The following PVT1 variants were observed in gnomAD, a reference collection of about 807,000 sequenced individuals.
The protein encoded by PVT1 is Pvt1 oncogene, also known as CXCR4/PVT1 fusion.
At chr8:127,954,717 C>T (rs1816548828) in intron 3 of PVT1, among the ~76,000 whole-genome samples, 1 of 152,136 alleles carries the variant, frequency 6.6e-6, no homozygotes, top group Admixed American at 6.5e-5. Context: ...CAAAGTCATA[C>T]AGTGTAGAAG....
At chr8:128,100,951 C>T (rs139691441) in intron 6 of PVT1, 1 of 152,328 alleles carries the variant, frequency 6.6e-6, no homozygotes, top group East Asian at 1.9e-4. Flanking sequence ...ACTACTATTA[C>T]AGATTGGCCT....
At chr8:128,071,699 T>TAAATAAATAAAC (rs1249892253) in intron 5 of PVT1, among the ~76,000 whole-genome samples, 2 of 150,014 alleles carry the variant, frequency 1.3e-5, no homozygotes, top group East Asian at 3.9e-4. Context: ...AATAAATAAA[T>TAAATAAATAAAC]AAATAAATAA....
In PVT1 at chr8:127,898,945, C is replaced by T. The variant is rs1037051017; in HGVS notation, n.782+7947C>T. Among the ~76,000 whole-genome samples, 3 of 152,244 alleles carry T rather than the reference C, an allele frequency of 2.0e-5. No homozygotes were observed. The highest frequency in any genetic ancestry group is 2.9e-5 in the Non-Finnish European group (2 of 68,016). On this transcript the variant is annotated intron_variant and non_coding_transcript_variant, in intron 3 of 10. Transcript: ENST00000651587. The surrounding 1 kb of genome is among the most constrained non-coding windows in gnomAD (Gnocchi z 4.4). Reference sequence around the variant, plus strand: ...AAGTGCAATGGACACCCCCACCCCCCGTTGACTTATCTGGCTCCAACCGAA... The same window carrying T: ...AAGTGCAATGGACACCCCCACCCCCTGTTGACTTATCTGGCTCCAACCGAA...
At chr8:127,970,399 G>A (rs1316030666) in intron 3 of PVT1, among the ~76,000 whole-genome samples, 3 of 141,138 alleles carry the variant, frequency 2.1e-5, no homozygotes, top group African/African-American at 7.9e-5. Flanking sequence ...CCAGGCTCAC[G>A]CCATTCACCT....
intron 2 of PVT1, among the ~76,000 whole-genome samples, chr8:127,885,767 A>T (rs1367675524): frequency 1.3e-5 from 2 of 152,222 alleles, no homozygotes; most frequent in African/African-American, 2.4e-5. Flanking sequence ...ATTAAGGGTT[A>T]AAAACATTTC....
chr8:127,921,661 A>C (rs943327280), intron 3 of PVT1, among the ~76,000 whole-genome samples: 1 of 151,796 alleles, frequency 6.6e-6, no homozygotes, highest in Non-Finnish European at 1.5e-5. Flanking sequence ...AAAAATACAG[A>C]AAATTAGCTG....
chr8:127,856,337 A>G (rs552322691), intron 2 of PVT1, among the ~76,000 whole-genome samples: 13 of 151,814 alleles, frequency 8.6e-5, no homozygotes, highest in Non-Finnish European at 1.6e-4. Flanking sequence ...AGCCAGCTGT[A>G]CATACGTATA....
chr8:127,820,613 T>C (rs1814717114), intron 2 of PVT1, among the ~76,000 whole-genome samples: 1 of 152,146 alleles, frequency 6.6e-6, no homozygotes. Flanking sequence ...GAAGACCAGT[T>C]ACTGGTCAGG....
At chr8:127,830,202 A>G (rs1261634519) in intron 2 of PVT1, among the ~76,000 whole-genome samples, 1 of 152,240 alleles carries the variant, frequency 6.6e-6, no homozygotes, top group East Asian at 1.9e-4. Context: ...ATTGCAGACA[A>G]CATCTGGGCA....
rs542488135 is a variant in PVT1, at chr8:127,878,954, A to C, written n.373-11635A>C. 2.6e-5 allele frequency among the ~76,000 whole-genome samples: 4 copies of C among 152,320 alleles called. No homozygotes were observed. In the East Asian group the frequency reaches 7.7e-4, roughly 29 times the overall value. On this transcript the variant is annotated intron_variant and non_coding_transcript_variant, in intron 2 of 10. Transcript: ENST00000651587. ...ATGGCTTCAGGCCACAACTAGACAC[A>C]TTATCTACTCTGACAGGGAGCCAGT...
At chr8:127,839,922 A>T (rs927392532) in intron 2 of PVT1, among the ~76,000 whole-genome samples, 2 of 152,028 alleles carry the variant, frequency 1.3e-5, no homozygotes, top group Admixed American at 1.3e-4. Context: ...CTGCCCTCTG[A>T]CCTCCTGCTG....
intron 4 of PVT1, among the ~76,000 whole-genome samples, chr8:128,026,166 C>G (rs1183875846): frequency 2.6e-5 from 4 of 152,182 alleles, no homozygotes; most frequent in African/African-American, 9.7e-5. Context: ...TGGTCTCAAA[C>G]TCCTGACCTC....
chr8:128,032,195 A>G (rs1158126124), intron 4 of PVT1, among the ~76,000 whole-genome samples: 1 of 152,204 alleles, frequency 6.6e-6, no homozygotes, highest in Non-Finnish European at 1.5e-5. Flanking sequence ...TGTGAGGCCC[A>G]GAGCTGAGGA....
At chr8:128,087,558 A>G (rs1814274105) in intron 5 of PVT1, among the ~76,000 whole-genome samples, 1 of 152,116 alleles carries the variant, frequency 6.6e-6, no homozygotes, top group Admixed American at 6.6e-5. Flanking sequence ...CACTCCCATT[A>G]TTGGCCTTGA....
At chr8:127,819,962 T>G (rs1814711579) in intron 2 of PVT1, among the ~76,000 whole-genome samples, 1 of 152,206 alleles carries the variant, frequency 6.6e-6, no homozygotes, top group Non-Finnish European at 1.5e-5. Flanking sequence ...TCTTTCATCT[T>G]CATGGAATGT....
chr8:127,919,569 C>A (rs1385490397), intron 3 of PVT1, among the ~76,000 whole-genome samples: 1 of 152,166 alleles, frequency 6.6e-6, no homozygotes, highest in African/African-American at 2.4e-5. Flanking sequence ...ATCCTGCTAC[C>A]CACTCCGGCT....
chr8:128,003,160 C>CT (rs1250799409), intron 4 of PVT1, among the ~76,000 whole-genome samples: 1 of 86,926 alleles, frequency 1.2e-5, no homozygotes, highest in Middle Eastern at 5.0e-3. Flanking sequence ...TACCACCACA[C>CT]CTTTTTTTTT....
intron 2 of PVT1, among the ~76,000 whole-genome samples, chr8:127,868,794 C>CGTATATATATGTATATACATAT (rs71300273): frequency 1.1e-4 from 1 of 8,970 alleles, no homozygotes; most frequent in African/African-American, 4.0e-4. Context: ...TATATATATA[C>CGTATATATATGTATATACATAT]ATATATATGT....
intron 2 of PVT1, among the ~76,000 whole-genome samples, chr8:127,880,653 T>A (rs971030544): frequency 3.6e-5 from 5 of 140,404 alleles, no homozygotes; most frequent in African/African-American, 1.3e-4. Flanking sequence ...CAGGCTGGAG[T>A]GCAGTGGCAT....
Sources: gnomAD v4.1 joint callset for allele counts (sites outside exome capture counted in the v4.1 genomes callset) on GRCh38, gnomAD v4.1.1 for gene constraint, Gnocchi (gnomAD v3.1) non-coding constraint, MANE v1.5 for transcripts, NCBI Gene and HGNC (gene_info 2026-07-23, HGNC 2026-07-21) for gene names.